The following THADA variants were observed in gnomAD, a reference collection of about 807,000 sequenced individuals.
THADA encodes tRNA (32-2'-O)-methyltransferase regulator THADA.
THADA carries 213 observed loss-of-function variants against 219.8 expected under a neutral mutation model. The observed-to-expected ratio is 0.97, with a 90% CI of 0.87 to 1.09. THADA has a LOEUF of 1.09. THADA is among the 50% of genes least tolerant of loss of function. The probability of loss-of-function intolerance (pLI) is 0.00; values close to 1 mark genes in which losing one functional copy is unlikely to be tolerated. For synonymous variants in THADA, 1,018 were observed against 828.9 expected, an observed-to-expected ratio of 1.23 and a Z score of -3.92; for missense variants, 2,956 against 2,311.3, an observed-to-expected ratio of 1.28 and a Z score of -5.72.
chr2:43,400,088 T>G (rs1430032374), intron 28 of THADA, among the ~76,000 whole-genome samples: 1 of 152,158 alleles, frequency 6.6e-6, no homozygotes, highest in East Asian at 1.9e-4. Flanking sequence ...CAAATAACTC[T>G]GACATGGTTA....
chr2:43,504,975 T>G (rs989981232), intron 24 of THADA, among the ~76,000 whole-genome samples: 2 of 152,192 alleles, frequency 1.3e-5, no homozygotes, highest in African/African-American at 2.4e-5. Context: ...TTGATAGTTA[T>G]TAATATTTAC....
chr2:43,406,967 C>A (rs1389391778), intron 28 of THADA, among the ~76,000 whole-genome samples: 2 of 152,212 alleles, frequency 1.3e-5, no homozygotes, highest in African/African-American at 4.8e-5. Context: ...TCGGGCTACA[C>A]AAACAACCAA....
At chr2:43,330,496 G>C (rs1325765284) in intron 30 of THADA, among the ~76,000 whole-genome samples, 1 of 152,166 alleles carries the variant, frequency 6.6e-6, no homozygotes, top group Non-Finnish European at 1.5e-5. Context: ...AATGTATCAG[G>C]GCTGAGCAGC....
rs375613001 is a variant in THADA, at chr2:43,299,899, A to G, written c.4439-6686T>C. ...AAAAATTAGCCAGGTGTGGTGGTGC[A>G]TGCCTGTAATCCCAGCTACTCCGGA... On this transcript the variant is annotated intron_variant, in intron 31 of 37. Coordinates refer to ENST00000405975, the MANE Select transcript of THADA (RefSeq NM_022065.5). Among the ~76,000 whole-genome samples the G allele has an allele frequency of 4.7e-5, 7 of 149,530 alleles. No homozygotes were observed. The East Asian group carries it at 1.0e-3, about 22-fold the overall frequency.
intron 31 of THADA, among the ~76,000 whole-genome samples, chr2:43,309,487 T>A (rs764150167): frequency 3.3e-5 from 5 of 152,186 alleles, no homozygotes; most frequent in Non-Finnish European, 5.9e-5. Flanking sequence ...CACAATGGAA[T>A]ACTACTCAGC....
At chr2:43,499,830 T>A (rs1269510895) in intron 24 of THADA, among the ~76,000 whole-genome samples, 1 of 152,182 alleles carries the variant, frequency 6.6e-6, no homozygotes, top group African/African-American at 2.4e-5. Context: ...CAAATGCTTC[T>A]ATTTTTTTAA....
intron 35 of THADA, among the ~76,000 whole-genome samples, chr2:43,281,354 C>G (rs1402954411): frequency 1.3e-5 from 2 of 151,606 alleles, no homozygotes; most frequent in African/African-American, 4.8e-5. Flanking sequence ...CATTTATATC[C>G]TTCAGATCCT....
chr2:43,294,717 T>C (rs140958512), intron 31 of THADA, among the ~76,000 whole-genome samples: 51 of 152,160 alleles, frequency 3.4e-4, no homozygotes, highest in Non-Finnish European at 5.3e-4. Flanking sequence ...ACAACACTAC[T>C]GCACCGTAGT....
intron 26 of THADA, among the ~76,000 whole-genome samples, chr2:43,466,516 G>C (rs1684256036): frequency 6.6e-6 from 1 of 152,088 alleles, no homozygotes; most frequent in Admixed American, 6.5e-5. Flanking sequence ...ACAGTTTGGG[G>C]TATGTCTACT....
intron 17 of THADA, chr2:43,556,059 G>T (rs1444257690): frequency 1.6e-6 from 1 of 616,332 alleles, no homozygotes; most frequent in South Asian, 4.5e-5. Context: ...TTTATGTAGG[G>T]AAAAAAGCAC....
chr2:43,545,608 G>T (rs1343088947), intron 20 of THADA, among the ~76,000 whole-genome samples: 1 of 152,186 alleles, frequency 6.6e-6, no homozygotes, highest in Non-Finnish European at 1.5e-5. Flanking sequence ...GTGGGAGGGT[G>T]TATGTGTCGA....
At chr2:43,413,866 C>A (rs1208838340) in intron 28 of THADA, among the ~76,000 whole-genome samples, 1 of 152,170 alleles carries the variant, frequency 6.6e-6, no homozygotes, top group East Asian at 1.9e-4. Context: ...GGCCATGCAG[C>A]CCACCCATAT....
Position 43,347,180 on chromosome 2 carries a change from C to T in THADA, c.4228-2943G>A, listed in dbSNP as rs79159486. ...AAGCCGGGCAGAGATAGGTGTAAAC[C>T]AGTTATCAGTTTTGCGGCTTTGGGC... On this transcript the variant is annotated intron_variant, in intron 29 of 37. Coordinates refer to ENST00000405975, the MANE Select transcript of THADA (RefSeq NM_022065.5). 7.6e-3 allele frequency among the ~76,000 whole-genome samples: 1,159 copies of T among 152,264 alleles called. 15 individuals carry two copies. The highest frequency in any genetic ancestry group is 0.026 in the African/African-American group (1,081 of 41,554).
intron 29 of THADA, among the ~76,000 whole-genome samples, chr2:43,380,121 G>C (rs1671822490): frequency 6.6e-6 from 1 of 152,150 alleles, no homozygotes; most frequent in South Asian, 2.1e-4. Context: ...CTACATACTA[G>C]TCAAAATGCA....
intron 36 of THADA, among the ~76,000 whole-genome samples, chr2:43,261,685 G>T (rs933127824): frequency 6.6e-6 from 1 of 150,698 alleles, no homozygotes; most frequent in Non-Finnish European, 1.5e-5. Flanking sequence ...GCCCAGGCTG[G>T]AGTGAAATGG....
In THADA at chr2:43,405,187, C is replaced by T. The variant is rs138774018; in HGVS notation, c.4059-7048G>A. Among the ~76,000 whole-genome samples, 793 of 152,290 alleles carry T rather than the reference C, an allele frequency of 5.2e-3. 3 individuals carry two copies. The highest frequency in any genetic ancestry group is 0.014 in the Middle Eastern group (4 of 294). ...TATTCTCCAGGTCCAGGGCCCAAGTCTATTTTCTGTCGACTCTACCGCTAT... is the reference window on the plus strand; with the variant it reads ...TATTCTCCAGGTCCAGGGCCCAAGTTTATTTTCTGTCGACTCTACCGCTAT... On this transcript the variant is annotated intron_variant, in intron 28 of 37. Coordinates refer to ENST00000405975, the MANE Select transcript of THADA (RefSeq NM_022065.5).
At chr2:43,235,551 CA>C (rs1463129323) in intron 36 of THADA, among the ~76,000 whole-genome samples, 2 of 152,312 alleles carry the variant, frequency 1.3e-5, no homozygotes, top group East Asian at 3.9e-4. Flanking sequence ...CTCGGCTTCC[CA>C]AAGTGCTGGG....
intron 31 of THADA, among the ~76,000 whole-genome samples, chr2:43,317,272 T>A (rs1332836448): frequency 6.6e-6 from 1 of 152,192 alleles, no homozygotes; most frequent in African/African-American, 2.4e-5. Flanking sequence ...TGAATTCACA[T>A]CTATTTGATA....
chr2:43,462,542 C>T (rs529387249), intron 26 of THADA, among the ~76,000 whole-genome samples: 55 of 152,112 alleles, frequency 3.6e-4, no homozygotes, highest in African/African-American at 1.3e-3. Flanking sequence ...ATTCAGATTC[C>T]TAGAGAAAAG....
Sources: allele counts gnomAD v4.1 joint callset (sites outside exome capture counted in the v4.1 genomes callset), GRCh38; gene constraint gnomAD v4.1.1; transcripts MANE v1.5; gene names NCBI Gene and HGNC (gene_info 2026-07-23, HGNC 2026-07-21).